Variants in RUNX2 observed in about 807,000 individuals in gnomAD.
RUNX2 encodes the protein RUNX family transcription factor 2.
In RUNX2, 10 loss-of-function variants were observed where a neutral mutation model predicts 51.7. The observed-to-expected ratio is 0.19, with a 90% CI of 0.12 to 0.33. RUNX2 has a LOEUF of 0.33. Ranked by LOEUF, RUNX2 falls within the 10% of genes least tolerant of loss-of-function variation. The pLI is 1.00. For missense variants in RUNX2, 562 were observed against 691.3 expected (o/e 0.81, Z 2.10); for synonymous variants, 276 against 273.6 (o/e 1.01, Z -0.09).
chr6:45,378,747 A>G (rs1797133145), intron 2 of RUNX2, among the ~76,000 whole-genome samples: 1 of 151,276 alleles, frequency 6.6e-6, no homozygotes, highest in African/African-American at 2.4e-5. Context: ...TGTACTGTAC[A>G]TTCTGTCCTG....
At chr6:45,357,993 T>C (rs1043633923) in intron 2 of RUNX2, among the ~76,000 whole-genome samples, 1 of 152,094 alleles carries the variant, frequency 6.6e-6, no homozygotes, top group Non-Finnish European at 1.5e-5. Flanking sequence ...ATAAATGTAA[T>C]ATTAAACTTC....
chr6:45,341,837 T>G (rs1167846580), intron 2 of RUNX2, among the ~76,000 whole-genome samples: 1 of 152,176 alleles, frequency 6.6e-6, no homozygotes, highest in Non-Finnish European at 1.5e-5. Flanking sequence ...ATTCATCGCT[T>G]TTAGTTTAAA....
At chr6:45,416,945 T>C (rs144469395) in intron 2 of RUNX2, among the ~76,000 whole-genome samples, 184 of 152,298 alleles carry the variant, frequency 1.2e-3, no homozygotes, top group African/African-American at 4.1e-3. Context: ...TTTATGATGC[T>C]AAGTCCTCCA....
chr6:45,392,625 G>A lies in RUNX2; in HGVS notation c.59-29968G>A, dbSNP rs115301925. On this transcript the variant is annotated intron_variant, in intron 2 of 8. Coordinates refer to ENST00000647337, the MANE Select transcript of RUNX2 (RefSeq NM_001024630.4). Reference sequence around the variant, plus strand: ...GACAGCAAAGACTTTGGGTGGGGAGGGTCAGAAGAAAAAGAAGGGAGACCA... The same window carrying A: ...GACAGCAAAGACTTTGGGTGGGGAGAGTCAGAAGAAAAAGAAGGGAGACCA... Among the ~76,000 whole-genome samples, 418 of 152,010 alleles carry A rather than the reference G, an allele frequency of 2.7e-3. 3 individuals carry two copies. The highest frequency in any genetic ancestry group is 9.2e-3 in the African/African-American group (382 of 41,478).
chr6:45,329,255 C>A (rs1316676328), intron 2 of RUNX2, among the ~76,000 whole-genome samples: 1 of 151,954 alleles, frequency 6.6e-6, no homozygotes, highest in East Asian at 1.9e-4. Flanking sequence ...ATGTATAACA[C>A]AGAAATAAAC....
intron 5 of RUNX2, among the ~76,000 whole-genome samples, chr6:45,476,019 T>A (rs1424202843): frequency 6.6e-6 from 1 of 152,244 alleles, no homozygotes; most frequent in Non-Finnish European, 1.5e-5. Context: ...TGGCTCAGAC[T>A]TTCTTTCTCA....
At position 45,350,992 on chromosome 6, in the gene RUNX2, C is replaced by T. The variant is rs375785259; in HGVS notation, c.58+22208C>T. On this transcript the variant is annotated intron_variant, in intron 2 of 8. Transcript: ENST00000647337. ...CTCCGACCCTATAGTGAACTGCACA[C>T]GCGAAGGATCTAAGTTCTGCGCTCC... 4.6e-5 allele frequency among the ~76,000 whole-genome samples: 7 copies of T among 152,192 alleles called. No individual in the cohort carries two copies. The East Asian group carries it at 1.2e-3, about 25-fold the overall frequency.
At chr6:45,349,162 C>T (rs1791523569) in intron 2 of RUNX2, among the ~76,000 whole-genome samples, 1 of 152,100 alleles carries the variant, frequency 6.6e-6, no homozygotes, top group Non-Finnish European at 1.5e-5. Flanking sequence ...GGGACAACTA[C>T]ACTAGAGGGG....
intron 2 of RUNX2, among the ~76,000 whole-genome samples, chr6:45,407,089 G>A (rs1331268481): frequency 6.6e-6 from 1 of 152,116 alleles, no homozygotes; most frequent in African/African-American, 2.4e-5. Context: ...TCTTGAATTT[G>A]GGGGTTATAA....
chr6:45,494,601 A>G (rs892009051), intron 6 of RUNX2, among the ~76,000 whole-genome samples: 4 of 151,860 alleles, frequency 2.6e-5, no homozygotes, highest in African/African-American at 9.7e-5. Flanking sequence ...TGTCACCCCA[A>G]CCACTCTTGG....
chr6:45,331,203 T>C (rs1787439626), intron 2 of RUNX2, among the ~76,000 whole-genome samples: 1 of 151,852 alleles, frequency 6.6e-6, no homozygotes. Flanking sequence ...TTTGAGTTAA[T>C]CAAAAATTTT....
At chr6:45,329,336 T>C (rs1026776088) in intron 2 of RUNX2, among the ~76,000 whole-genome samples, 9 of 152,106 alleles carry the variant, frequency 5.9e-5, no homozygotes, top group African/African-American at 1.2e-4. Flanking sequence ...CTGTATCCTA[T>C]CTAAATAAGT....
At chr6:45,380,850 C>G (rs893861187) in intron 2 of RUNX2, among the ~76,000 whole-genome samples, 1 of 152,200 alleles carries the variant, frequency 6.6e-6, no homozygotes, top group African/African-American at 2.4e-5. Context: ...GCTGGGATTA[C>G]AGGTGTCAGC....
intron 2 of RUNX2, among the ~76,000 whole-genome samples, chr6:45,409,622 TAAGA>T (rs958400756): frequency 4.5e-4 from 68 of 152,320 alleles, no homozygotes; most frequent in African/African-American, 1.6e-3. Flanking sequence ...CAACAAGATG[TAAGA>T]AAGTTCCCAT....
At chr6:45,391,345 T>G (rs988674195) in intron 2 of RUNX2, among the ~76,000 whole-genome samples, 1 of 152,182 alleles carries the variant, frequency 6.6e-6, no homozygotes, top group African/African-American at 2.4e-5. Flanking sequence ...TGCTCTCTTG[T>G]TCCCACTCTC....
chr6:45,351,020 A>T (rs866700772), intron 2 of RUNX2, among the ~76,000 whole-genome samples: 13 of 152,116 alleles, frequency 8.5e-5, no homozygotes, highest in Admixed American at 6.5e-4. Flanking sequence ...TGCGCTCCTT[A>T]TGAGAATCTA....
At chr6:45,379,723 G>C (rs1298518403) in intron 2 of RUNX2, among the ~76,000 whole-genome samples, 1 of 152,072 alleles carries the variant, frequency 6.6e-6, no homozygotes, top group Non-Finnish European at 1.5e-5. Flanking sequence ...AAAAGTATCC[G>C]GGCGTGGTGG....
intron 4 of RUNX2, among the ~76,000 whole-genome samples, chr6:45,432,755 C>T (rs571522893): frequency 6.6e-6 from 1 of 152,154 alleles, no homozygotes; most frequent in East Asian, 1.9e-4. Flanking sequence ...TTAAAAAAGT[C>T]TTTAAGGAGG....
rs961396550 is a variant in RUNX2 at position 45,400,496 on chromosome 6, A to G, written c.59-22097A>G. ...CAACTGGTATTTGCCTGTTCCTTAA[A>G]TGATCTAGATAAATGGGCTTAAATC... On this transcript the variant is annotated intron_variant, in intron 2 of 8. Transcript: ENST00000647337. 2.0e-5 allele frequency among the ~76,000 whole-genome samples: 3 copies of G among 152,182 alleles called. No homozygotes were observed. The East Asian group carries it at 5.8e-4, about 29-fold the overall frequency.
Sources: gnomAD v4.1 joint callset for allele counts (sites outside exome capture counted in the v4.1 genomes callset) on GRCh38, gnomAD v4.1.1 for gene constraint, MANE v1.5 for transcripts, NCBI Gene and HGNC (gene_info 2026-07-23, HGNC 2026-07-21) for gene names.